Variants in DOCK1 observed in about 807,000 individuals in gnomAD.
DOCK1 encodes the protein dedicator of cytokinesis protein 1.
DOCK1 carries 138 observed loss-of-function variants against 262.7 expected under a neutral mutation model. The ratio of observed to expected loss-of-function variants is 0.53; its 90% CI spans 0.46 to 0.61. DOCK1 has a LOEUF of 0.61. Ranked by LOEUF, DOCK1 falls within the 20% of genes least tolerant of loss-of-function variation. DOCK1 has a pLI of 0.00. For synonymous variants in DOCK1, 866 were observed against 867.4 expected (o/e 1.00, Z 0.03); for missense variants, 1,908 against 2,370.7 (o/e 0.80, Z 4.05).
intron 27 of DOCK1, among the ~76,000 whole-genome samples, chr10:127,208,037 C>T (rs568312741): frequency 2.6e-5 from 4 of 152,246 alleles, no homozygotes; most frequent in East Asian, 3.9e-4. Flanking sequence ...GCGATTTGGG[C>T]AGAATTAGAG....
Position 127,266,833 on chromosome 10 carries a change from C to T in DOCK1, c.3044+9404C>T, listed in dbSNP as rs540315612. Among the ~76,000 whole-genome samples the T allele has an allele frequency of 3.3e-5, 5 of 152,316 alleles. No individual in the cohort carries two copies. The East Asian group carries it at 9.6e-4, about 29-fold the overall frequency. On this transcript the variant is annotated intron_variant, in intron 29 of 51. Transcript: ENST00000623213. ...TTGCTCTTTGAGCCTTCTTCCTCTC[C>T]AAGAAAACTGGCCTAACCTGAGACA...
chr10:127,120,134 G>A (rs182482706), intron 25 of DOCK1, among the ~76,000 whole-genome samples: 1 of 152,204 alleles, frequency 6.6e-6, no homozygotes, highest in South Asian at 2.1e-4. Flanking sequence ...AACCAGGATA[G>A]CTGTGCCAGC....
At chr10:127,150,883 C>G (rs1046010452) in intron 27 of DOCK1, among the ~76,000 whole-genome samples, 2 of 152,170 alleles carry the variant, frequency 1.3e-5, no homozygotes, top group South Asian at 4.1e-4. Context: ...CATGGCAGAT[C>G]ATTTGAAACT....
At chr10:127,232,181 AAGAGC>A in intron 27 of DOCK1, among the ~76,000 whole-genome samples, 1 of 152,120 alleles carries the variant, frequency 6.6e-6, no homozygotes, top group Non-Finnish European at 1.5e-5. Flanking sequence ...TATGTATTGG[AAGAGC>A]TTGAGAAAAA....
chr10:127,198,046 G>GTTC (rs1043829153), intron 27 of DOCK1, among the ~76,000 whole-genome samples: 2 of 152,132 alleles, frequency 1.3e-5, no homozygotes, highest in African/African-American at 4.8e-5. Context: ...TCTTCTTGTT[G>GTTC]TTCTTCTTAA....
At chr10:127,187,934 C>A (rs1197938984) in intron 27 of DOCK1, among the ~76,000 whole-genome samples, 2 of 152,208 alleles carry the variant, frequency 1.3e-5, no homozygotes, top group Non-Finnish European at 2.9e-5. Flanking sequence ...GAACCACTGG[C>A]CTTCTTCCTT....
intron 27 of DOCK1, among the ~76,000 whole-genome samples, chr10:127,190,488 T>TA (rs1484753716): frequency 6.6e-6 from 1 of 151,850 alleles, no homozygotes. Flanking sequence ...CTGTTATAGA[T>TA]ACTACTATGC....
chr10:126,906,767 C>T (rs1443270332), intron 1 of DOCK1, among the ~76,000 whole-genome samples: 1 of 152,206 alleles, frequency 6.6e-6, no homozygotes, highest in Non-Finnish European at 1.5e-5. Flanking sequence ...CCGGAGCGCT[C>T]TCCTTTCTGT....
chr10:127,085,082 G>A (rs1419226332), intron 23 of DOCK1, among the ~76,000 whole-genome samples: 1 of 152,148 alleles, frequency 6.6e-6, no homozygotes, highest in African/African-American at 2.4e-5. Flanking sequence ...CTGTAATAAT[G>A]GAGAAGCCTT....
chr10:127,124,465 C>T (rs2049816769), intron 25 of DOCK1, among the ~76,000 whole-genome samples: 1 of 152,142 alleles, frequency 6.6e-6, no homozygotes. Context: ...GCTGGATTTC[C>T]CAACTGGAAG....
At chr10:127,410,803 G>A (rs377513578) in intron 42 of DOCK1, 37 bp from the exon 43 acceptor site, 56 of 1,598,658 alleles carry the variant, frequency 3.5e-5, no homozygotes, top group Admixed American at 6.9e-5. Flanking sequence ...GCTATTTGCC[G>A]GGTTAAATAT....
intron 29 of DOCK1, among the ~76,000 whole-genome samples, chr10:127,261,744 T>C (rs1439065919): frequency 7.1e-6 from 1 of 141,416 alleles, no homozygotes; most frequent in Non-Finnish European, 1.5e-5. Flanking sequence ...TGTGTACCCG[T>C]GCTCATCTGT....
At position 127,127,708 on chromosome 10, in the gene DOCK1, C is replaced by A. The variant is rs1288540444; in HGVS notation, c.2791C>A (p.Leu931Ile). ...GCACGTCCAGATTATCATGGAGAAACTTCTCCGGACCGTGAACCGAACCGT... is the reference window on the plus strand; with the variant it reads ...GCACGTCCAGATTATCATGGAGAAAATTCTCCGGACCGTGAACCGAACCGT... ...QRHVQIIMEK[L>I]LRTVNRTVIS... The change falls in exon 27 of 52, where the codon CTT becomes ATT. Residue 931 changes from leucine to isoleucine, a missense_variant. By Grantham distance (5) the Leu-to-Ile change is conservative. This residue lies in a region of DOCK1 where 518 missense variants were observed against 575.1 expected (regional missense o/e 0.90). Transcript: ENST00000623213. 1 of 1,612,814 alleles carries A rather than the reference C, an allele frequency of 6.2e-7. No individual in the cohort carries two copies. The highest frequency in any genetic ancestry group is 8.5e-7 in the Non-Finnish European group (1 of 1,179,084).
chr10:127,068,555 C>T (rs1340526669), intron 23 of DOCK1, among the ~76,000 whole-genome samples: 1 of 152,118 alleles, frequency 6.6e-6, no homozygotes, highest in East Asian at 1.9e-4. Context: ...TGTCCTTGCC[C>T]TCAGTTTAAA....
intron 23 of DOCK1, among the ~76,000 whole-genome samples, chr10:127,076,292 T>G (rs7906566): frequency 0.022 from 3,361 of 152,168 alleles, 62 homozygotes; most frequent in African/African-American, 0.053. Flanking sequence ...ACAAGGTCAG[T>G]AGATCAAGAC....
Position 127,362,205 on chromosome 10 carries a change from T to C in DOCK1, c.3425T>C (p.Phe1142Ser), listed in dbSNP as rs1446442282. Residue 1142 changes from phenylalanine (F) to serine (S), a missense_variant, in exon 33 of 52, where the codon TTC (phenylalanine) becomes TCC (serine). Physicochemically the swap from Phe to Ser is radical, Grantham distance 155. This residue lies in a region of DOCK1 where 518 missense variants were observed against 575.1 expected (regional missense o/e 0.90). Transcript: ENST00000623213. ...MQCEFHSTRS[F>S]QMFENEIITK... ...TGTGAATTCCATTCGACCCGAAGCTTCCAAATGGTAAGGACGTAGATGTGC... is the reference window on the plus strand; with the variant it reads ...TGTGAATTCCATTCGACCCGAAGCTCCCAAATGGTAAGGACGTAGATGTGC... The C allele has an allele frequency of 6.2e-7, 1 of 1,613,174 alleles. No individual in the cohort carries two copies. The highest frequency in any genetic ancestry group is 8.5e-7 in the Non-Finnish European group (1 of 1,179,696).
chr10:127,240,071 A>G (rs1241442378), intron 27 of DOCK1, among the ~76,000 whole-genome samples: 2 of 152,136 alleles, frequency 1.3e-5, no homozygotes, highest in African/African-American at 4.8e-5. Context: ...TACTGCCACT[A>G]TAAAAATGAA....
chr10:127,351,082 T>C (rs958774017), intron 31 of DOCK1, among the ~76,000 whole-genome samples: 8 of 152,130 alleles, frequency 5.3e-5, no homozygotes. Flanking sequence ...CGGGGGTATG[T>C]TTCTTGGAGT....
At position 127,248,086 on chromosome 10, in the gene DOCK1, G is replaced by C. The variant is rs1305219249; in HGVS notation, c.2926G>C (p.Gly976Arg). 6.2e-7 allele frequency: 1 copy of C among 1,613,906 alleles called. No homozygotes were observed. ...TTATGCCCACTTGATCAAGACTTTT[G>C]GGAAAATGAGGACTGATGTGGTAGT... ...YHYAHLIKTF[G>R]KMRTDVVDFL... The change falls in exon 28 of 52, where the codon GGG becomes CGG. Residue 976 changes from glycine to arginine, a missense_variant. Physicochemically the swap from Gly to Arg is moderately radical, Grantham distance 125. Transcript: ENST00000623213.
Sources: allele counts gnomAD v4.1 joint callset (sites outside exome capture counted in the v4.1 genomes callset), GRCh38; gene constraint gnomAD v4.1.1; regional missense constraint gnomAD v4.1.1; transcripts MANE v1.5; gene names NCBI Gene and HGNC (gene_info 2026-07-23, HGNC 2026-07-21).